PYY: variants seen among roughly 807,000 people sequenced by gnomAD.
The protein encoded by PYY is peptide tyrosine tyrosine.
PYY carries 12 observed loss-of-function variants against 10.3 expected under a neutral mutation model. The ratio of observed to expected loss-of-function variants is 1.17; its 90% CI spans 0.75 to 1.89. The LOEUF (loss-of-function observed/expected upper bound fraction) is 1.89. Among genes scored for constraint, PYY ranks in the 40% most tolerant of loss-of-function variants. The pLI is 0.00. For synonymous variants in PYY, 66 were observed against 62.0 expected (o/e 1.06, Z -0.30); for missense variants, 141 against 134.0 (o/e 1.05, Z -0.26).
chr17:43,984,590 G>A (rs2048904263), intron 1 of PYY, among the ~76,000 whole-genome samples: 1 of 152,198 alleles, frequency 6.6e-6, no homozygotes, highest in African/African-American at 2.4e-5. Flanking sequence ...CTGGCCAGTG[G>A]CCGGGTAGGG....
At chr17:43,995,150 C>A (rs913790245) in intron 1 of PYY, among the ~76,000 whole-genome samples, 2 of 152,194 alleles carry the variant, frequency 1.3e-5, no homozygotes, top group Non-Finnish European at 2.9e-5. Context: ...CCACCGAGGA[C>A]CCCTGGGGTA....
At chr17:43,960,723 G>A (rs2048706619) in intron 2 of PYY, among the ~76,000 whole-genome samples, 1 of 151,350 alleles carries the variant, frequency 6.6e-6, no homozygotes, top group African/African-American at 2.4e-5. Flanking sequence ...GGTGGCGGGT[G>A]CCTGTAATCC....
At chr17:43,955,177 C>T (rs1020511228), upstream of PYY, among the ~76,000 whole-genome samples, 1 of 152,198 alleles carries the variant, frequency 6.6e-6, no homozygotes, top group Admixed American at 6.5e-5. Context: ...AGACTGCCAA[C>T]CCCCTCAAAC....
intron 1 of PYY, among the ~76,000 whole-genome samples, chr17:43,976,276 T>TATACACATATACATGTATAC (rs1217188677): frequency 2.7e-5 from 4 of 146,278 alleles, no homozygotes; most frequent in South Asian, 2.1e-4. Context: ...CATGTACGTA[T>TATACACATATACATGTATAC]ATATACGCAT....
At chr17:43,959,978 C>A (rs1396726201) in intron 2 of PYY, among the ~76,000 whole-genome samples, 1 of 152,220 alleles carries the variant, frequency 6.6e-6, no homozygotes, top group African/African-American at 2.4e-5. Context: ...GGACTTGTGT[C>A]TTTGTGGCTC....
At chr17:43,972,943 G>T (rs2048805163) in intron 1 of PYY, among the ~76,000 whole-genome samples, 1 of 151,702 alleles carries the variant, frequency 6.6e-6, no homozygotes, top group Non-Finnish European at 1.5e-5. Flanking sequence ...TTGACCTCTT[G>T]ACCTCGTGAT....
At chr17:43,989,738 T>C (rs1197762393) in intron 1 of PYY, among the ~76,000 whole-genome samples, 1 of 136,792 alleles carries the variant, frequency 7.3e-6, no homozygotes, top group Non-Finnish European at 1.5e-5. Flanking sequence ...GCTCAGGAGT[T>C]TGAGGCTGCA....
At chr17:43,973,069 C>T (rs1446575516) in intron 1 of PYY, among the ~76,000 whole-genome samples, 1 of 151,840 alleles carries the variant, frequency 6.6e-6, no homozygotes, top group East Asian at 1.9e-4. Context: ...AAACTCCTGG[C>T]CTCAAGTGAT....
intron 1 of PYY, among the ~76,000 whole-genome samples, chr17:43,976,112 CATGTATACGTATAT>C (rs1260062243): frequency 4.5e-5 from 5 of 112,134 alleles, no homozygotes; most frequent in Non-Finnish European, 8.8e-5. Flanking sequence ...TACGTGTATA[CATGTATACGTATAT>C]ATGTATACAT....
At chr17:44,001,092 G>A (rs936303732) in intron 1 of PYY, among the ~76,000 whole-genome samples, 1 of 152,098 alleles carries the variant, frequency 6.6e-6, no homozygotes. Flanking sequence ...GTGCATGTTT[G>A]TGTGTGTGTC....
At chr17:43,976,368 C>T (rs1042013401) in intron 1 of PYY, among the ~76,000 whole-genome samples, 2 of 148,962 alleles carry the variant, frequency 1.3e-5, no homozygotes, top group African/African-American at 2.5e-5. Flanking sequence ...TATACATATA[C>T]GTATATACAC....
intron 1 of PYY, among the ~76,000 whole-genome samples, chr17:43,979,496 A>T (rs914725077): frequency 3.3e-5 from 5 of 151,942 alleles, no homozygotes; most frequent in African/African-American, 1.2e-4. Flanking sequence ...TAACAAAAAC[A>T]TGCTTATGGA....
chr17:43,971,215 G>T lies in PYY; in HGVS notation c.-462-4683C>A, dbSNP rs137906220. 5.6e-4 allele frequency among the ~76,000 whole-genome samples: 86 copies of T among 152,232 alleles called. 2 individuals are homozygous for T. The East Asian group carries it at 0.012, about 21-fold the overall frequency. On this transcript the variant is annotated intron_variant, in intron 1 of 6. Transcript: ENST00000360085. Reference sequence around the variant, plus strand: ...CTGCACCCTCTCGGCACTTCGGATTGTCAATATTTTTTATATTACCCATTC... The same window carrying T: ...CTGCACCCTCTCGGCACTTCGGATTTTCAATATTTTTTATATTACCCATTC...
intron 1 of PYY, among the ~76,000 whole-genome samples, chr17:44,002,504 A>G (rs1307052353): frequency 2.0e-5 from 3 of 152,162 alleles, no homozygotes; most frequent in Non-Finnish European, 2.9e-5. Flanking sequence ...CCCCCTCTAC[A>G]ACAACAGAGG....
chr17:43,953,628 T>C, intron 1 of PYY, 145 bp from the exon 2 acceptor site: 1 of 746,310 alleles, frequency 1.3e-6, no homozygotes, highest in Non-Finnish European at 2.1e-6. Flanking sequence ...TGCTGTGTGT[T>C]CTTGGGCACT....
At chr17:43,963,626 G>GAAAGAAAGAAAGAAAGAAAGAA (rs3080254) in intron 2 of PYY, among the ~76,000 whole-genome samples, 71 of 82,106 alleles carry the variant, frequency 8.6e-4, no homozygotes, top group South Asian at 1.3e-3. Context: ...AAGAAAGAAA[G>GAAAGAAAGAAAGAAAGAAAGAA]AGAAAGAAAG....
chr17:44,000,571 T>TG (rs2049019175), intron 1 of PYY, among the ~76,000 whole-genome samples: 1 of 149,966 alleles, frequency 6.7e-6, no homozygotes, highest in South Asian at 2.1e-4. Context: ...TGTGCACTTT[T>TG]TTTTTTTTTT....
At chr17:43,981,501 G>T (rs1490262694) in intron 1 of PYY, among the ~76,000 whole-genome samples, 1 of 149,070 alleles carries the variant, frequency 6.7e-6, no homozygotes, top group African/African-American at 2.5e-5. Flanking sequence ...TTGTTTGTTT[G>T]TTTTTTTTTT....
intron 1 of PYY, among the ~76,000 whole-genome samples, chr17:43,968,006 C>T (rs2048766150): frequency 1.3e-5 from 2 of 152,236 alleles, no homozygotes; most frequent in Admixed American, 6.6e-5. Context: ...GCCCCAGCCC[C>T]GAGACAATTC....
Sources: gnomAD v4.1 joint callset for allele counts (sites outside exome capture counted in the v4.1 genomes callset) on GRCh38, gnomAD v4.1.1 for gene constraint, MANE v1.5 for transcripts, NCBI Gene and HGNC (gene_info 2026-07-23, HGNC 2026-07-21) for gene names.